The following PIK3IP1 variants were observed in gnomAD, a reference collection of about 807,000 sequenced individuals.
The protein encoded by PIK3IP1 is phosphoinositide-3-kinase interacting protein 1, also known as phosphoinositide-3-kinase-interacting protein 1.
Under a neutral mutation model 30.7 loss-of-function variants are expected in PIK3IP1, and 28 were observed. That is an observed-to-expected ratio of 0.91 (90% CI 0.68 to 1.25). The LOEUF (loss-of-function observed/expected upper bound fraction) is 1.25. PIK3IP1 is among the 50% of genes most tolerant of loss of function. The probability of loss-of-function intolerance (pLI) is 0.00; values close to 1 mark genes in which losing one functional copy is unlikely to be tolerated. For missense variants in PIK3IP1, 333 were observed against 346.2 expected (o/e 0.96, Z 0.30); for synonymous variants, 159 against 140.8 (o/e 1.13, Z -0.91).
chr22:31,285,855 T>C (rs1228227573), intron 5 of PIK3IP1, among the ~76,000 whole-genome samples: 1 of 152,196 alleles, frequency 6.6e-6, no homozygotes, highest in Non-Finnish European at 1.5e-5. Flanking sequence ...ACAGTGCTCC[T>C]AGTGTGGTTG....
Position 31,289,573 on chromosome 22 carries a change from G to C in PIK3IP1, c.434C>G (p.Ala145Gly). 1 of 1,560,098 alleles carries C rather than the reference G, an allele frequency of 6.4e-7. No homozygotes were observed. The highest frequency in any genetic ancestry group is 1.2e-5 in the South Asian group (1 of 84,752). Residue 145 changes from alanine (A) to glycine (G), a missense_variant, in exon 4 of 6, where the codon GCT becomes GGT. Ala to Gly is a moderately conservative substitution (Grantham distance 60). This residue lies in a region of PIK3IP1 where 217 missense variants were observed against 227.7 expected (regional missense o/e 0.95). Transcript: ENST00000215912. The stretch of plus-strand genomic sequence containing the variant: ...GCTGATCCCAATCACTGGCTGCACA[G>C]CTGCCGCCTCACTCCGAGCGGGCAG... ...NALPARSEAAAVQPVIGISQR... is the reference protein window; with the variant it reads ...NALPARSEAAGVQPVIGISQR...
chr22:31,283,083 C>A lies in PIK3IP1; in HGVS notation c.*1G>T. 6.3e-7 allele frequency: 1 copy of A among 1,587,572 alleles called. No individual in the cohort carries two copies. The highest frequency in any genetic ancestry group is 8.6e-7 in the Non-Finnish European group (1 of 1,166,688). The stretch of plus-strand genomic sequence containing the variant: ...CATGGGCTCCTGCCCACTGGGGGGG[C>A]TCAGGCCCCAGGAGTCCCGGCCTGG... On this transcript the variant is annotated 3_prime_UTR_variant, in exon 6 of 6. Coordinates refer to ENST00000215912, the MANE Select transcript of PIK3IP1 (RefSeq NM_052880.5).
chr22:31,287,569 A>G, intron 5 of PIK3IP1, among the ~76,000 whole-genome samples: 1 of 151,542 alleles, frequency 6.6e-6, no homozygotes, highest in East Asian at 1.9e-4. Flanking sequence ...TGACCTCATG[A>G]TCTGCCCGCC....
chr22:31,284,376 A>C (rs2049115974), intron 5 of PIK3IP1, among the ~76,000 whole-genome samples: 1 of 152,252 alleles, frequency 6.6e-6, no homozygotes, highest in Non-Finnish European at 1.5e-5. Flanking sequence ...GAGGCAGAGC[A>C]GGGCTGGAAG....
intron 1 of PIK3IP1, 120 bp from the exon 2 acceptor site, chr22:31,291,416 G>A (rs1746108406): frequency 2.3e-6 from 2 of 875,652 alleles, no homozygotes; most frequent in South Asian, 2.9e-5. Context: ...AGGGGACCCC[G>A]GGCCCTGCTG....
rs2049092987 is a variant in PIK3IP1, at chr22:31,281,977, C to T, written c.*1107G>A. The T allele has an allele frequency of 6.6e-6, 1 of 152,388 alleles. No individual in the cohort carries two copies. 9.4% of individuals were successfully genotyped at this position (152,388 alleles called of 1,614,324 possible). A position where few individuals can be genotyped will look rare whatever the true frequency, so the allele number is the denominator to read the frequency against. The stretch of plus-strand genomic sequence containing the variant: ...TCAGGAAGCTGGGCTCTTGCCATGC[C>T]AGTAGCTTGCTTACGACCTTGGGCA... On this transcript the variant is annotated 3_prime_UTR_variant, in exon 6 of 6. Transcript: ENST00000215912.
chr22:31,291,997 G>C (rs909815456), intron 1 of PIK3IP1, among the ~76,000 whole-genome samples: 1 of 152,196 alleles, frequency 6.6e-6, no homozygotes, highest in Non-Finnish European at 1.5e-5. Context: ...GGCTTAGAAA[G>C]AACAGGACTT....
At chr22:31,283,375 G>A in intron 5 of PIK3IP1, 87 bp from the exon 6 acceptor site, 1 of 1,380,166 alleles carries the variant, frequency 7.2e-7, no homozygotes, top group South Asian at 1.3e-5. Context: ...CTCAGCAAGA[G>A]CAGCAGCTTG....
At chr22:31,292,155 G>A in intron 1 of PIK3IP1, 120 bp downstream of exon 1, 1 of 961,406 alleles carries the variant, frequency 1.0e-6, no homozygotes, top group East Asian at 2.5e-5. Context: ...AGCTTTCACG[G>A]GACAACAGAA....
At chr22:31,284,810 AC>A (rs2049119083) in intron 5 of PIK3IP1, among the ~76,000 whole-genome samples, 4 of 151,896 alleles carry the variant, frequency 2.6e-5, no homozygotes, top group Admixed American at 2.6e-4. Flanking sequence ...GGCCATTTGA[AC>A]CTCGTGGCCT....
intron 5 of PIK3IP1, among the ~76,000 whole-genome samples, chr22:31,288,525 G>A (rs1378157027): frequency 6.6e-6 from 1 of 152,324 alleles, no homozygotes; most frequent in South Asian, 2.1e-4. Context: ...CAGACACCCA[G>A]GGCTAGAAGT....
intron 5 of PIK3IP1, among the ~76,000 whole-genome samples, chr22:31,285,499 T>C (rs1292414850): frequency 3.3e-5 from 5 of 152,184 alleles, no homozygotes; most frequent in Non-Finnish European, 7.3e-5. Context: ...CCGGCAATAT[T>C]GTCTTTTTAG....
intron 5 of PIK3IP1, among the ~76,000 whole-genome samples, chr22:31,287,476 G>A (rs973823674): frequency 6.6e-6 from 1 of 151,402 alleles, no homozygotes; most frequent in Admixed American, 6.6e-5. Context: ...GATTACAAGT[G>A]CCCGCCACCA....
chr22:31,289,260 C>T (rs1158690811), intron 5 of PIK3IP1, 55 bp downstream of exon 5: 1 of 1,581,896 alleles, frequency 6.3e-7, no homozygotes, highest in East Asian at 2.2e-5. Context: ...CAAAGTTTGA[C>T]TTTGTGTACC....
chr22:31,286,712 A>C (rs543357136), intron 5 of PIK3IP1, among the ~76,000 whole-genome samples: 1 of 152,348 alleles, frequency 6.6e-6, no homozygotes, highest in Non-Finnish European at 1.5e-5. Context: ...GAAGGCCTGG[A>C]AACTGTCACA....
intron 5 of PIK3IP1, among the ~76,000 whole-genome samples, chr22:31,287,329 ATT>A (rs776460911): frequency 0.051 from 4,333 of 85,532 alleles, 269 homozygotes; most frequent in East Asian, 0.35. Flanking sequence ...CATTACCTAC[ATT>A]TTTTTTTTTT....
In PIK3IP1 at chr22:31,282,442, A is replaced by T. The variant is rs1041534789; in HGVS notation, c.*642T>A. The T allele has an allele frequency of 1.3e-5, 2 of 152,498 alleles. No homozygotes were observed. The highest frequency in any genetic ancestry group is 2.4e-5 in the African/African-American group (1 of 41,376). 9.4% of individuals were successfully genotyped at this position (152,498 alleles called of 1,614,324 possible). ...GCTCAGTGCAATTCTTCCTTTCCTT[A>T]TGAAACAGGAAGAGTCCCTGGGCCC... On this transcript the variant is annotated 3_prime_UTR_variant, in exon 6 of 6. Coordinates refer to ENST00000215912, the MANE Select transcript of PIK3IP1 (RefSeq NM_052880.5).
At chr22:31,283,814 G>A (rs1195507395) in intron 5 of PIK3IP1, among the ~76,000 whole-genome samples, 1 of 152,042 alleles carries the variant, frequency 6.6e-6, no homozygotes, top group Non-Finnish European at 1.5e-5. Context: ...AACCCATAAA[G>A]TTGTCCAGAA....
chr22:31,291,432 C>A, intron 1 of PIK3IP1, 136 bp from the exon 2 acceptor site: 2 of 780,054 alleles, frequency 2.6e-6, no homozygotes, highest in South Asian at 3.2e-5. Context: ...TGCTGGGCCT[C>A]CCTCTCCTCT....
Sources: allele counts gnomAD v4.1 joint callset (sites outside exome capture counted in the v4.1 genomes callset), GRCh38; gene constraint gnomAD v4.1.1; regional missense constraint gnomAD v4.1.1; transcripts MANE v1.5; gene names NCBI Gene and HGNC (gene_info 2026-07-23, HGNC 2026-07-21).